The following PVALB variants were observed in gnomAD, a reference collection of about 807,000 sequenced individuals.
The protein encoded by PVALB is parvalbumin.
In PVALB, 11 loss-of-function variants were observed where a neutral mutation model predicts 10.9. That is an observed-to-expected ratio of 1.01 (90% confidence interval 0.63 to 1.67). The LOEUF (loss-of-function observed/expected upper bound fraction) is 1.67. Ranked by LOEUF, PVALB falls within the 40% of genes most tolerant of loss-of-function variation. The pLI is 0.00. For synonymous variants in PVALB, 57 were observed against 50.7 expected (o/e 1.12, Z -0.53); for missense variants, 131 against 136.2 (o/e 0.96, Z 0.19).
At chr22:36,803,713 G>GGATGGA (rs1938907948) in intron 3 of PVALB, among the ~76,000 whole-genome samples, 1 of 125,980 alleles carries the variant, frequency 7.9e-6, no homozygotes, top group African/African-American at 2.7e-5. Context: ...GGATGGATGG[G>GGATGGA]TGGGTGGTTG....
At chr22:36,813,230 G>A (rs1380728862) in intron 3 of PVALB, among the ~76,000 whole-genome samples, 9 of 152,172 alleles carry the variant, frequency 5.9e-5, no homozygotes, top group African/African-American at 2.2e-4. Context: ...GAGGATCCTT[G>A]GGGATTAGTC....
chr22:36,802,616 A>AGAAAAG (rs1938885620), intron 3 of PVALB, among the ~76,000 whole-genome samples: 1 of 150,162 alleles, frequency 6.7e-6, no homozygotes, highest in African/African-American at 2.5e-5. Context: ...AAAAAAAAAA[A>AGAAAAG]AAAAAAAAAA....
At chr22:36,808,370 C>T (rs973117488) in intron 3 of PVALB, among the ~76,000 whole-genome samples, 4 of 151,140 alleles carry the variant, frequency 2.6e-5, no homozygotes, top group African/African-American at 9.9e-5. Context: ...GTTTGGAAGG[C>T]CCAGGCTGGG....
Position 36,815,156 on chromosome 22 carries a change from C to T in PVALB, c.141G>A (p.Val47=), listed in dbSNP as rs1939117838. 1 of 1,614,216 alleles carries T rather than the reference C, an allele frequency of 6.2e-7. No homozygotes were observed. Among genetic ancestry groups the T allele is most frequent in the East Asian group, 2.2e-5 (1 of 44,886 alleles). ...TTTTGTCCTTGTCCAGCATGTGAAA[C>T]ACCTTCTTCACATCATCCGCACTCT... ...KKKSADDVKK[V]FHMLDKDKSG... The change falls in exon 2 of 4, where the codon GTG becomes GTA. Residue 47 remains valine, a synonymous_variant. Coordinates refer to ENST00000417718, the MANE Select transcript of PVALB (RefSeq NM_001315532.2).
At chr22:36,817,384 C>G, upstream of PVALB, 1 of 171,552 alleles carries the variant, frequency 5.8e-6, no homozygotes. Flanking sequence ...AGGAGGTGCG[C>G]CGTCTCAGAT....
chr22:36,816,042 A>G (rs1569094650), intron 1 of PVALB, among the ~76,000 whole-genome samples: 1 of 136,960 alleles, frequency 7.3e-6, no homozygotes, highest in East Asian at 2.1e-4. Context: ...TAGATCATGT[A>G]TTTTGTGTGT....
intron 3 of PVALB, among the ~76,000 whole-genome samples, chr22:36,810,039 C>T (rs954077597): frequency 7.2e-5 from 11 of 151,986 alleles, no homozygotes; most frequent in Non-Finnish European, 1.3e-4. Context: ...TGTGTGCCAC[C>T]ACGCCTGGCT....
chr22:36,805,587 C>CA, intron 3 of PVALB, among the ~76,000 whole-genome samples: 1 of 152,338 alleles, frequency 6.6e-6, no homozygotes, highest in South Asian at 2.1e-4. Flanking sequence ...CCTGGACCTA[C>CA]ATCTGAATCT....
chr22:36,811,746 G>A (rs963102899), intron 3 of PVALB, among the ~76,000 whole-genome samples: 2 of 152,278 alleles, frequency 1.3e-5, no homozygotes, highest in African/African-American at 4.8e-5. Flanking sequence ...GTTCAGATGG[G>A]AGCCAGGCCT....
rs750584015 is a variant in PVALB at position 36,815,239 on chromosome 22, T to TG, written c.62-5dup. 1 of 1,613,878 alleles carries TG rather than the reference T, an allele frequency of 6.2e-7. No individual in the cohort carries two copies. Among genetic ancestry groups the TG allele is most frequent in the Non-Finnish European group, 8.5e-7 (1 of 1,179,910 alleles). On this transcript the variant is annotated splice_polypyrimidine_tract_variant and splice_region_variant and intron_variant, in intron 1 of 3. Transcript: ENST00000417718. ...TTGTGGTCGAAGGAGTCGGTAGCTGTGGGGGGAAGAGCAGGGTCAAACAAG... is the reference window on the plus strand; with the variant it reads ...TTGTGGTCGAAGGAGTCGGTAGCTGTGGGGGGGAAGAGCAGGGTCAAACAAG...
intron 3 of PVALB, among the ~76,000 whole-genome samples, chr22:36,807,917 G>A (rs11705163): frequency 6.6e-6 from 1 of 152,086 alleles, no homozygotes; most frequent in Non-Finnish European, 1.5e-5. Context: ...AGTGGCAAGG[G>A]GTGGGGGGGT....
At chr22:36,805,938 T>A (rs568072001) in intron 3 of PVALB, among the ~76,000 whole-genome samples, 1 of 152,150 alleles carries the variant, frequency 6.6e-6, no homozygotes, top group Non-Finnish European at 1.5e-5. Flanking sequence ...ATCTATCCCA[T>A]CAGAGCTAGC....
At chr22:36,817,088 C>A (rs1939154206), upstream of PVALB, 3 of 1,318,344 alleles carry the variant, frequency 2.3e-6, no homozygotes, top group African/African-American at 3.1e-5. Flanking sequence ...ATGACCAGCG[C>A]TGCAGTGCTG....
chr22:36,817,199 G>A (rs950161254), upstream of PVALB, among the ~76,000 whole-genome samples: 1 of 152,074 alleles, frequency 6.6e-6, no homozygotes, highest in African/African-American at 2.4e-5. Context: ...GAGCAGCGCC[G>A]GCCGCCGGCA....
At position 36,812,300 on chromosome 22, in the gene PVALB, G is replaced by A. The variant is rs369574911; in HGVS notation, c.304+1346C>T. Reference sequence around the variant, plus strand: ...GGCAGCGGATGTTTATGAAGCACCTGCTCTGTGTGGGGTATTGGCTAGATA... The same window carrying A: ...GGCAGCGGATGTTTATGAAGCACCTACTCTGTGTGGGGTATTGGCTAGATA... On this transcript the variant is annotated intron_variant, in intron 3 of 3. Coordinates refer to ENST00000417718, the MANE Select transcript of PVALB (RefSeq NM_001315532.2). Among the ~76,000 whole-genome samples the A allele has an allele frequency of 1.2e-4, 19 of 152,276 alleles. No homozygotes were observed. The South Asian group carries it at 3.7e-3, about 30-fold the overall frequency.
At chr22:36,808,430 C>A (rs1396686798) in intron 3 of PVALB, among the ~76,000 whole-genome samples, 1 of 152,110 alleles carries the variant, frequency 6.6e-6, no homozygotes, top group Non-Finnish European at 1.5e-5. Context: ...GCTGGACCAC[C>A]GAGCCTCAGT....
At chr22:36,800,944 TG>T (rs2145943358) in intron 3 of PVALB, 26 bp from the exon 4 acceptor site, 1 of 1,604,006 alleles carries the variant, frequency 6.2e-7, no homozygotes, top group Non-Finnish European at 8.5e-7. Flanking sequence ...ACAAGGAAAG[TG>T]AGTCAGAGGC....
At chr22:36,813,892 G>A (rs768003464) in intron 2 of PVALB, 137 bp from the exon 3 acceptor site, 7 of 699,966 alleles carry the variant, frequency 1.0e-5, no homozygotes, top group Admixed American at 2.2e-5. Context: ...TCACGCACAC[G>A]GATGCTCTGG....
chr22:36,802,978 C>T (rs5750309), intron 3 of PVALB, among the ~76,000 whole-genome samples: 43,487 of 152,118 alleles, frequency 0.29, 7,575 homozygotes, highest in East Asian at 0.57. Context: ...TCCAGGACCT[C>T]GGTGGGGCAG....
Sources: allele counts gnomAD v4.1 joint callset (sites outside exome capture counted in the v4.1 genomes callset), GRCh38; gene constraint gnomAD v4.1.1; transcripts MANE v1.5; gene names NCBI Gene and HGNC (gene_info 2026-07-23, HGNC 2026-07-21).